The following ZNF480 variants were observed in gnomAD, a reference collection of about 807,000 sequenced individuals.
The protein encoded by ZNF480 is zinc finger protein 480.
A neutral mutation model predicts 14.4 loss-of-function variants in ZNF480; 15 were observed. The ratio of observed to expected loss-of-function variants is 1.04; its 90% CI spans 0.70 to 1.60. ZNF480 has a LOEUF of 1.60. Ranked by LOEUF, ZNF480 falls within the 40% of genes most tolerant of loss-of-function variation. The probability of loss-of-function intolerance (pLI) is 0.00; values close to 1 mark genes in which losing one functional copy is unlikely to be tolerated. For synonymous variants in ZNF480, 218 were observed against 215.5 expected (o/e 1.01, Z -0.10); for missense variants, 593 against 629.7 (o/e 0.94, Z 0.62).
At position 52,321,690 on chromosome 19, in the gene ZNF480, T is replaced by C. The variant is rs770855733; in HGVS notation, c.440T>C (p.Val147Ala). 1 of 1,613,986 alleles carries C rather than the reference T, an allele frequency of 6.2e-7. No individual in the cohort carries two copies. Among genetic ancestry groups the C allele is most frequent in the Non-Finnish European group, 8.5e-7 (1 of 1,179,944 alleles). Residue 147 changes from valine to alanine, a missense_variant, in exon 5 of 5, where the codon GTA becomes GCA. Transcript: ENST00000595962. ...SELELFPDER[V>A]INGCNQVENF... Reference sequence around the variant, plus strand: ...CTGGAGCTATTTCCAGATGAAAGGGTAATAAATGGATGTAATCAAGTTGAA... The same window carrying C: ...CTGGAGCTATTTCCAGATGAAAGGGCAATAAATGGATGTAATCAAGTTGAA...
chr19:52,318,651 G>A (rs545925642), intron 4 of ZNF480, among the ~76,000 whole-genome samples: 5 of 152,138 alleles, frequency 3.3e-5, no homozygotes, highest in South Asian at 2.1e-4. Context: ...GAGTTTTATC[G>A]TTTTAGGTCA....
chr19:52,309,393 G>A (rs1165909094), intron 2 of ZNF480, among the ~76,000 whole-genome samples: 1 of 152,100 alleles, frequency 6.6e-6, no homozygotes, highest in Non-Finnish European at 1.5e-5. Flanking sequence ...AGCCTGTGTG[G>A]GGCAATAGGA....
intron 2 of ZNF480, among the ~76,000 whole-genome samples, chr19:52,302,522 A>G (rs776882766): frequency 4.6e-5 from 7 of 152,196 alleles, no homozygotes; most frequent in Non-Finnish European, 1.0e-4. Flanking sequence ...TATCTGTTTT[A>G]ATAAAAGCTG....
intron 4 of ZNF480, among the ~76,000 whole-genome samples, chr19:52,317,966 A>G (rs928144775): frequency 6.6e-6 from 1 of 152,054 alleles, no homozygotes; most frequent in Non-Finnish European, 1.5e-5. Context: ...TTTCTCTCTA[A>G]TGATTTGTGA....
intron 1 of ZNF480, among the ~76,000 whole-genome samples, chr19:52,300,149 G>C (rs1982615663): frequency 6.6e-6 from 1 of 152,216 alleles, no homozygotes; most frequent in Admixed American, 6.5e-5. Context: ...GCTTAGACCA[G>C]GCCAGCTCCC....
chr19:52,322,321 C>T lies in ZNF480; in HGVS notation c.1071C>T (p.Leu357=), dbSNP rs759528980. The part of the protein sequence containing the change: ...ECGKAFYRIA[L]LVRHQKIHTG... ...GCAAGGCCTTCTATAGGATTGCGCT[C>T]CTTGTACGACATCAGAAAATTCATA... The change falls in exon 5 of 5, where the codon CTC becomes CTT. Residue 357 remains leucine, a synonymous_variant. Transcript: ENST00000595962. The T allele has an allele frequency of 1.9e-6, 3 of 1,613,102 alleles. No individual in the cohort carries two copies. Among genetic ancestry groups the T allele is most frequent in the South Asian group, 2.2e-5 (2 of 91,024 alleles).
chr19:52,307,006 T>C (rs34605159), intron 2 of ZNF480, among the ~76,000 whole-genome samples: 2,683 of 152,236 alleles, frequency 0.018, 40 homozygotes, highest in Non-Finnish European at 0.027. Context: ...AAGGAAACCT[T>C]CTCTGTCACT....
chr19:52,310,844 CAAAAAA>C (rs60910720), intron 2 of ZNF480, among the ~76,000 whole-genome samples: 1 of 142,266 alleles, frequency 7.0e-6, no homozygotes, highest in Admixed American at 7.1e-5. Context: ...ACTAAAAATA[CAAAAAA>C]AAAAATTAGC....
intron 4 of ZNF480, among the ~76,000 whole-genome samples, chr19:52,319,811 G>GTTTTTTT (rs56151161): frequency 2.1e-5 from 2 of 96,894 alleles, no homozygotes; most frequent in Non-Finnish European, 2.2e-5. Flanking sequence ...CTGATACTGT[G>GTTTTTTT]TTTTTTTTTT....
chr19:52,297,714 G>C (rs1464239026), intron 1 of ZNF480: 1 of 154,576 alleles, frequency 6.5e-6, no homozygotes, highest in Non-Finnish European at 1.4e-5. Context: ...CTACTCCCCA[G>C]GCCTCCTCTT....
In ZNF480 at chr19:52,325,913, A is replaced by G. The variant is rs1984080117; in HGVS notation, c.*3055A>G. On this transcript the variant is annotated 3_prime_UTR_variant, in exon 5 of 5. Coordinates refer to ENST00000595962, the MANE Select transcript of ZNF480 (RefSeq NM_144684.4). ...CCTTGAACCTAAAATAAAACATGAA[A>G]AAAAGCAAATTTCACACCTTGTAAA... The G allele has an allele frequency of 6.6e-6, 1 of 152,276 alleles. No homozygotes were observed. The allele number at this position is 152,276 out of a possible 1,614,324, so 9.4% of individuals were successfully genotyped here.
intron 4 of ZNF480, among the ~76,000 whole-genome samples, chr19:52,319,819 T>G (rs1197744299): frequency 3.9e-5 from 4 of 102,312 alleles, no homozygotes; most frequent in East Asian, 2.4e-4. Context: ...GTGTTTTTTT[T>G]TTTTTTTTTT....
chr19:52,317,129 T>C (rs1003454175), intron 4 of ZNF480, among the ~76,000 whole-genome samples: 1 of 152,026 alleles, frequency 6.6e-6, no homozygotes, highest in Admixed American at 6.6e-5. Flanking sequence ...GCGATTCTCC[T>C]GCCTCAGCCT....
In ZNF480 at chr19:52,321,855, C is replaced by T; in HGVS notation, c.605C>T (p.Pro202Leu). The T allele has an allele frequency of 6.2e-7, 1 of 1,614,134 alleles. No individual in the cohort carries two copies. The highest frequency in any genetic ancestry group is 8.5e-7 in the Non-Finnish European group (1 of 1,180,010). Residue 202 changes from proline (P) to leucine (L), a missense_variant, in exon 5 of 5, where the codon CCT becomes CTT. Coordinates refer to ENST00000595962, the MANE Select transcript of ZNF480 (RefSeq NM_144684.4). ...CAGAAAGTACACCTTAGAGAAAAAC[C>T]TTATGAATGTAATGAGCATAGCAAA... The part of the protein sequence containing the change: ...QEQKVHLREK[P>L]YECNEHSKVF...
chr19:52,317,670 C>T (rs1418004750), intron 4 of ZNF480, among the ~76,000 whole-genome samples: 2 of 152,176 alleles, frequency 1.3e-5, no homozygotes, highest in Non-Finnish European at 2.9e-5. Context: ...TGCGCCTGGC[C>T]TTTTTCTTTT....
intron 4 of ZNF480, 84 bp downstream of exon 4, chr19:52,316,046 A>T: frequency 1.4e-6 from 2 of 1,383,264 alleles, no homozygotes; most frequent in African/African-American, 2.9e-5. Flanking sequence ...TTGGTTTTTT[A>T]TGTTTGTATT....
Position 52,306,122 on chromosome 19 carries a change from A to G in ZNF480, c.72+5638A>G, listed in dbSNP as rs1982917715. 2.0e-5 allele frequency among the ~76,000 whole-genome samples: 3 copies of G among 152,282 alleles called. No homozygotes were observed. In the South Asian group the frequency reaches 6.2e-4, roughly 32 times the overall value. On this transcript the variant is annotated intron_variant, in intron 2 of 4. Transcript: ENST00000595962. The stretch of plus-strand genomic sequence containing the variant: ...ACCTCCAATACCATCACAAGCTTTA[A>G]TATAGTCAACCAAATGTGCTTTTCC...
chr19:52,306,886 C>T (rs953423409), intron 2 of ZNF480, among the ~76,000 whole-genome samples: 1 of 152,090 alleles, frequency 6.6e-6, no homozygotes, highest in Non-Finnish European at 1.5e-5. Context: ...TGTCCAGTGT[C>T]CTCTGGAAAA....
chr19:52,303,525 A>G (rs1982791110), intron 2 of ZNF480, among the ~76,000 whole-genome samples: 1 of 152,180 alleles, frequency 6.6e-6, no homozygotes, highest in African/African-American at 2.4e-5. Flanking sequence ...ATTAGAATCC[A>G]TGAATTCATA....
Sources: allele counts gnomAD v4.1 joint callset (sites outside exome capture counted in the v4.1 genomes callset), GRCh38; gene constraint gnomAD v4.1.1; transcripts MANE v1.5; gene names NCBI Gene and HGNC (gene_info 2026-07-23, HGNC 2026-07-21).